The following ITGB5 variants were observed in gnomAD, a reference collection of about 807,000 sequenced individuals.
ITGB5 encodes integrin beta-5.
Under a neutral mutation model 84.8 loss-of-function variants are expected in ITGB5, and 38 were observed. The ratio of observed to expected loss-of-function variants is 0.45; its 90% CI spans 0.35 to 0.59. The LOEUF is 0.59. Among genes scored for constraint, ITGB5 ranks in the 20% least tolerant of loss-of-function variants. The probability of loss-of-function intolerance (pLI) is 0.01; values close to 1 mark genes in which losing one functional copy is unlikely to be tolerated. For missense variants in ITGB5, 905 were observed against 1,034.5 expected, an observed-to-expected ratio of 0.87 and a Z score of 1.72; for synonymous variants, 393 against 414.4, an observed-to-expected ratio of 0.95 and a Z score of 0.63.
intron 10 of ITGB5, among the ~76,000 whole-genome samples, chr3:124,782,114 C>A (rs76896460): frequency 1.3e-5 from 2 of 152,110 alleles, no homozygotes; most frequent in Non-Finnish European, 2.9e-5. Context: ...GGAATTCTTA[C>A]AATAGGCGAG....
chr3:124,796,348 G>A, intron 10 of ITGB5, 40 bp downstream of exon 10: 4 of 1,545,518 alleles, frequency 2.6e-6, no homozygotes, highest in Non-Finnish European at 2.6e-6. Flanking sequence ...ACGGCATCTT[G>A]GCCTGGCTCA....
intron 11 of ITGB5, among the ~76,000 whole-genome samples, chr3:124,771,607 G>C (rs1461211884): frequency 6.6e-6 from 1 of 151,996 alleles, no homozygotes; most frequent in Non-Finnish European, 1.5e-5. Context: ...AATTAGCCAG[G>C]TGTGGTGGTA....
intron 5 of ITGB5, among the ~76,000 whole-genome samples, chr3:124,832,308 T>C (rs2064871022): frequency 6.6e-6 from 1 of 152,250 alleles, no homozygotes; most frequent in Non-Finnish European, 1.5e-5. Flanking sequence ...GGTTAAGCCA[T>C]ACCAGCAGGT....
intron 2 of ITGB5, among the ~76,000 whole-genome samples, chr3:124,872,224 C>T (rs1934089697): frequency 6.6e-6 from 1 of 152,178 alleles, no homozygotes; most frequent in East Asian, 1.9e-4. Flanking sequence ...TTAGAGAGTT[C>T]ATATAGCAAG....
intron 9 of ITGB5, among the ~76,000 whole-genome samples, chr3:124,801,794 G>T (rs2064320347): frequency 6.6e-6 from 1 of 152,186 alleles, no homozygotes; most frequent in Admixed American, 6.5e-5. Context: ...GACCCCTTAG[G>T]TTGGCAGGTA....
At chr3:124,779,857 G>C (rs2063978108) in intron 10 of ITGB5, among the ~76,000 whole-genome samples, 1 of 152,068 alleles carries the variant, frequency 6.6e-6, no homozygotes, top group Non-Finnish European at 1.5e-5. Flanking sequence ...GATGTTCAGG[G>C]GTACCCTTTT....
chr3:124,770,144 T>G (rs1055668861), intron 11 of ITGB5: 10 of 152,092 alleles, frequency 6.6e-5, no homozygotes, highest in Admixed American at 1.3e-4. Flanking sequence ...AGGGGAGAGG[T>G]CCCAGGCTCC....
At chr3:124,859,532 G>C in intron 2 of ITGB5, 86 bp from the exon 3 acceptor site, 1 of 1,011,024 alleles carries the variant, frequency 9.9e-7, no homozygotes, top group Admixed American at 2.4e-5. Flanking sequence ...TCTCCATCTG[G>C]TTGACCTTAA....
At chr3:124,828,017 C>G (rs2064808402) in intron 5 of ITGB5, among the ~76,000 whole-genome samples, 2 of 151,568 alleles carry the variant, frequency 1.3e-5, no homozygotes, top group African/African-American at 4.9e-5. Flanking sequence ...TTCGCTGACT[C>G]TCTTTTCAGA....
chr3:124,779,790 C>T (rs1281093417), intron 10 of ITGB5, among the ~76,000 whole-genome samples: 2 of 152,196 alleles, frequency 1.3e-5, no homozygotes, highest in Non-Finnish European at 2.9e-5. Flanking sequence ...GCTCATTAAA[C>T]ATCACTGCCT....
intron 6 of ITGB5, among the ~76,000 whole-genome samples, chr3:124,820,058 A>T (rs1240293060): frequency 2.0e-5 from 3 of 152,118 alleles, no homozygotes; most frequent in Non-Finnish European, 1.5e-5. Flanking sequence ...TCACCAAACT[A>T]GATTCACTCC....
intron 1 of ITGB5, among the ~76,000 whole-genome samples, chr3:124,886,357 T>C (rs879708517): frequency 3.0e-5 from 2 of 65,794 alleles, no homozygotes; most frequent in Non-Finnish European, 6.3e-5. Flanking sequence ...GCGGGGAGGG[T>C]GGGGGCTGCA....
chr3:124,837,579 G>A (rs1159878699), intron 5 of ITGB5, among the ~76,000 whole-genome samples: 1 of 152,162 alleles, frequency 6.6e-6, no homozygotes, highest in Non-Finnish European at 1.5e-5. Flanking sequence ...CATAGAAACA[G>A]GGTCCTTATC....
intron 9 of ITGB5, among the ~76,000 whole-genome samples, chr3:124,800,552 T>C (rs2064300111): frequency 6.6e-6 from 1 of 151,952 alleles, no homozygotes; most frequent in Admixed American, 6.6e-5. Flanking sequence ...CAGCCAAGCC[T>C]TCGGTCCAAG....
intron 3 of ITGB5, among the ~76,000 whole-genome samples, chr3:124,849,304 A>G (rs897248805): frequency 5.9e-5 from 9 of 152,208 alleles, no homozygotes; most frequent in Non-Finnish European, 1.0e-4. Flanking sequence ...AGAAATGAAC[A>G]AAAGAGGGGT....
chr3:124,829,985 G>A (rs1354571754), intron 5 of ITGB5, among the ~76,000 whole-genome samples: 3 of 152,162 alleles, frequency 2.0e-5, no homozygotes, highest in Non-Finnish European at 4.4e-5. Flanking sequence ...CCCAGTCACT[G>A]AGAAAATTAA....
Position 124,764,458 on chromosome 3 carries a change from A to G in ITGB5, c.2237T>C (p.Val746Ala). ...LALLAIWKLL[V>A]TIHDRREFAK... ...AAACTCCCTCCGGTCGTGGATGGTGACAAGCAGCTTCCAGATAGCCAGGAG... is the reference window on the plus strand; with the variant it reads ...AAACTCCCTCCGGTCGTGGATGGTGGCAAGCAGCTTCCAGATAGCCAGGAG... Residue 746 changes from valine (V) to alanine (A), a missense_variant, in exon 14 of 15, where the codon GTC (valine) becomes GCC (alanine). Around this residue, in one of 3 missense-constraint regions of ITGB5, gnomAD observed 133 missense variants for 122.8 expected, o/e 1.08. Transcript: ENST00000296181. 6.2e-7 allele frequency: 1 copy of G among 1,614,032 alleles called. No individual in the cohort carries two copies. Among genetic ancestry groups the G allele is most frequent in the South Asian group, 1.1e-5 (1 of 91,066 alleles).
intron 2 of ITGB5, among the ~76,000 whole-genome samples, chr3:124,868,307 C>T (rs1423165940): frequency 6.6e-6 from 1 of 152,066 alleles, no homozygotes; most frequent in Non-Finnish European, 1.5e-5. Flanking sequence ...GAGAAGCAGG[C>T]GGCCAAGGCT....
At chr3:124,777,003 T>TG (rs970822088) in intron 10 of ITGB5, among the ~76,000 whole-genome samples, 5 of 146,468 alleles carry the variant, frequency 3.4e-5, no homozygotes, top group Non-Finnish European at 6.1e-5. Flanking sequence ...CTGGGATGGC[T>TG]GGGGGGCAGG....
Sources: allele counts gnomAD v4.1 joint callset (sites outside exome capture counted in the v4.1 genomes callset), GRCh38; gene constraint gnomAD v4.1.1; regional missense constraint gnomAD v4.1.1; transcripts MANE v1.5; gene names NCBI Gene and HGNC (gene_info 2026-07-23, HGNC 2026-07-21).